The following FRMD5 variants were observed in gnomAD, a reference collection of about 807,000 sequenced individuals.
FRMD5 encodes the protein FERM domain containing 5.
A neutral mutation model predicts 69.0 loss-of-function variants in FRMD5; 20 were observed. That is an observed-to-expected ratio of 0.29 (90% CI 0.20 to 0.42). FRMD5 has a LOEUF of 0.42. FRMD5 is among the 10% of genes least tolerant of loss of function. FRMD5 has a pLI of 1.00. For synonymous variants in FRMD5, 271 were observed against 260.1 expected, an observed-to-expected ratio of 1.04 and a Z score of -0.40; for missense variants, 595 against 708.6, an observed-to-expected ratio of 0.84 and a Z score of 1.82.
At chr15:43,880,438 T>G (rs184601864) in intron 13 of FRMD5, among the ~76,000 whole-genome samples, 1 of 152,104 alleles carries the variant, frequency 6.6e-6, no homozygotes, top group Non-Finnish European at 1.5e-5. Context: ...AGGCAAGCCC[T>G]CCTCTTGAAA....
intron 1 of FRMD5, among the ~76,000 whole-genome samples, chr15:43,962,876 G>C (rs532072149): frequency 1.8e-4 from 27 of 152,068 alleles, no homozygotes; most frequent in Non-Finnish European, 3.1e-4. Flanking sequence ...AAACTGGATC[G>C]CTTCCTTACA....
At chr15:43,934,833 C>A (rs560042954) in intron 1 of FRMD5, among the ~76,000 whole-genome samples, 1 of 152,158 alleles carries the variant, frequency 6.6e-6, no homozygotes, top group Admixed American at 6.5e-5. Context: ...CAGGCAGCAG[C>A]GGGACTGCTG....
rs554903683 is a variant in FRMD5, at chr15:44,107,963, G to C, written c.102+86990C>G. Among the ~76,000 whole-genome samples, 143 of 152,252 alleles carry C rather than the reference G, an allele frequency of 9.4e-4. 2 individuals carry two copies. Among genetic ancestry groups the C allele is most frequent in the Middle Eastern group, 6.8e-3 (2 of 294 alleles). On this transcript the variant is annotated intron_variant, in intron 1 of 13. Transcript: ENST00000417257. ...CAGACTTTTCAGGGATGTGCAATTG[G>C]TTTGGATTTTGTTAAGTAGTCATGT...
chr15:44,176,147 T>C (rs2077890643), intron 1 of FRMD5, among the ~76,000 whole-genome samples: 1 of 152,192 alleles, frequency 6.6e-6, no homozygotes, highest in South Asian at 2.1e-4. Context: ...ACAAAGTTAT[T>C]AATCAAGATA....
intron 1 of FRMD5, among the ~76,000 whole-genome samples, chr15:43,969,089 C>CT (rs767527729): frequency 0.013 from 1,726 of 137,232 alleles, 19 homozygotes; most frequent in African/African-American, 0.023. Flanking sequence ...TGCCTTCATT[C>CT]TTTTTTTTTT....
chr15:43,880,721 G>T (rs1296615158), intron 13 of FRMD5, among the ~76,000 whole-genome samples: 1 of 152,222 alleles, frequency 6.6e-6, no homozygotes, highest in Non-Finnish European at 1.5e-5. Flanking sequence ...GGTGTGAGAA[G>T]CACCTGGAAG....
At position 43,873,494 on chromosome 15, in the gene FRMD5, G is replaced by T. The variant is rs1019440536; in HGVS notation, c.*391C>A. 7.0e-7 allele frequency: 1 copy of T among 1,420,568 alleles called. No individual in the cohort carries two copies. Among genetic ancestry groups the T allele is most frequent in the African/African-American group, 1.5e-5 (1 of 67,400 alleles). 88.0% of individuals were successfully genotyped at this position (1,420,568 alleles called of 1,614,324 possible). ...ACAGCAGCTCTCTAGTTTTCAACTAGTGTCCCCTCTGCTAGGTGATACTAC... is the reference window on the plus strand; with the variant it reads ...ACAGCAGCTCTCTAGTTTTCAACTATTGTCCCCTCTGCTAGGTGATACTAC... On this transcript the variant is annotated 3_prime_UTR_variant, in exon 14 of 14. Transcript: ENST00000417257.
chr15:43,892,092 A>G (rs751577097), intron 7 of FRMD5, 23 bp from the exon 8 acceptor site: 2 of 1,603,150 alleles, frequency 1.2e-6, no homozygotes, highest in East Asian at 4.5e-5. Flanking sequence ...AAGACTTCTC[A>G]TCGGGTGATG....
chr15:43,919,902 A>G (rs2089463467), intron 2 of FRMD5, 93 bp from the exon 3 acceptor site: 4 of 1,173,634 alleles, frequency 3.4e-6, no homozygotes, highest in African/African-American at 1.5e-5. Flanking sequence ...GACAGATTGT[A>G]GCCTAGGGTG....
At chr15:44,085,351 T>C (rs1322688216) in intron 1 of FRMD5, among the ~76,000 whole-genome samples, 2 of 152,092 alleles carry the variant, frequency 1.3e-5, no homozygotes, top group African/African-American at 4.8e-5. Flanking sequence ...GTAGACCAGA[T>C]AACCTAAAAA....
intron 1 of FRMD5, among the ~76,000 whole-genome samples, chr15:43,951,946 C>T (rs2090036042): frequency 6.6e-6 from 1 of 150,492 alleles, no homozygotes; most frequent in African/African-American, 2.5e-5. Flanking sequence ...TTTTTGGGCC[C>T]GAGTCTGTAT....
chr15:43,874,474 A>G lies in FRMD5; in HGVS notation c.1136-12T>C. 1 of 1,606,944 alleles carries G rather than the reference A, an allele frequency of 6.2e-7. No homozygotes were observed. The highest frequency in any genetic ancestry group is 8.5e-7 in the Non-Finnish European group (1 of 1,173,560). Reference sequence around the variant, plus strand: ...TAAGGACTCTAGGCCTAGAAAGGCAAAAGGAACATGAGTAGGCTGTGTCCC... The same window carrying G: ...TAAGGACTCTAGGCCTAGAAAGGCAGAAGGAACATGAGTAGGCTGTGTCCC... On this transcript the variant is annotated splice_polypyrimidine_tract_variant and intron_variant, in intron 13 of 13. Coordinates refer to ENST00000417257, the MANE Select transcript of FRMD5 (RefSeq NM_032892.5).
intron 1 of FRMD5, among the ~76,000 whole-genome samples, chr15:44,011,529 C>G (rs1890721964): frequency 6.6e-6 from 1 of 152,108 alleles, no homozygotes; most frequent in Admixed American, 6.6e-5. Flanking sequence ...GTGAAGCCAC[C>G]TGACAGGCTG....
At chr15:43,997,195 C>T (rs1889973866) in intron 1 of FRMD5, among the ~76,000 whole-genome samples, 1 of 152,088 alleles carries the variant, frequency 6.6e-6, no homozygotes, top group South Asian at 2.1e-4. Context: ...TGATAAAGGC[C>T]TGAAGGGTAA....
chr15:43,888,238 G>A lies in FRMD5; in HGVS notation c.821C>T (p.Ala274Val). Residue 274 changes from alanine (A) to valine (V), a missense_variant, in exon 10 of 14, where the codon GCT (alanine) becomes GTT (valine). Around this residue, in one of 5 missense-constraint regions of FRMD5, gnomAD observed 176 missense variants for 266.3 expected, o/e 0.66. Transcript: ENST00000417257. ...GTGCTTACACGCTTCAGGAGTTGGA[G>A]CAAAATATGTAAGAATAATTTTCTT... ...EEKKIILTYFAPTPEACKHLW... is the reference protein window; with the variant it reads ...EEKKIILTYFVPTPEACKHLW... 6.2e-7 allele frequency: 1 copy of A among 1,613,864 alleles called. No individual in the cohort carries two copies. The highest frequency in any genetic ancestry group is 8.5e-7 in the Non-Finnish European group (1 of 1,179,760).
intron 1 of FRMD5, among the ~76,000 whole-genome samples, chr15:43,938,175 G>A (rs1438979517): frequency 6.8e-6 from 1 of 147,582 alleles, no homozygotes; most frequent in Non-Finnish European, 1.5e-5. Flanking sequence ...AGCTTGCAGT[G>A]AGCCGAGATC....
At chr15:43,979,181 A>G (rs1566876400) in intron 1 of FRMD5, among the ~76,000 whole-genome samples, 1 of 152,106 alleles carries the variant, frequency 6.6e-6, no homozygotes, top group African/African-American at 2.4e-5. Context: ...CTACCAAAAA[A>G]ATACAAAATT....
intron 1 of FRMD5, chr15:44,194,469 C>A (rs996642287): frequency 4.6e-6 from 1 of 215,552 alleles, no homozygotes; most frequent in Non-Finnish European, 9.4e-6. Context: ...CTCTGACTCA[C>A]AAATGGTGGG....
At chr15:44,017,755 G>A (rs536055256) in intron 1 of FRMD5, among the ~76,000 whole-genome samples, 41 of 151,664 alleles carry the variant, frequency 2.7e-4, no homozygotes, top group African/African-American at 9.7e-4. Context: ...ACAGGCGCCC[G>A]CCACCATGCC....
Sources: gnomAD v4.1 joint callset for allele counts (sites outside exome capture counted in the v4.1 genomes callset) on GRCh38, gnomAD v4.1.1 for gene constraint, gnomAD v4.1.1 regional missense constraint, MANE v1.5 for transcripts, NCBI Gene and HGNC (gene_info 2026-07-23, HGNC 2026-07-21) for gene names.